TIAM1: variants seen among roughly 807,000 people sequenced by gnomAD.
TIAM1 encodes TIAM Rac1 associated GEF 1.
In TIAM1, 65 loss-of-function variants were observed where a neutral mutation model predicts 163.5. The observed-to-expected ratio is 0.40, with a 90% CI of 0.33 to 0.49. The LOEUF (loss-of-function observed/expected upper bound fraction) is 0.49. TIAM1 is among the 20% of genes least tolerant of loss of function. The probability of loss-of-function intolerance (pLI) is 0.77; values close to 1 mark genes in which losing one functional copy is unlikely to be tolerated. For missense variants in TIAM1, 1,789 were observed against 2,044.7 expected (o/e 0.87, Z 2.41); for synonymous variants, 833 against 810.1 (o/e 1.03, Z -0.48).
At chr21:31,338,840 G>A (rs1022562880) in intron 2 of TIAM1, among the ~76,000 whole-genome samples, 6 of 152,108 alleles carry the variant, frequency 3.9e-5, no homozygotes, top group East Asian at 1.9e-4. Flanking sequence ...TTACCCTGTC[G>A]CATTGAAAGT....
intron 2 of TIAM1, among the ~76,000 whole-genome samples, chr21:31,462,708 C>T (rs1386233808): frequency 2.0e-5 from 3 of 151,490 alleles, no homozygotes; most frequent in Admixed American, 1.3e-4. Flanking sequence ...GTGACCTCTC[C>T]GAACTGCCTA....
chr21:31,210,536 A>AAGAAAGAAAGAG (rs2086672596), intron 10 of TIAM1, among the ~76,000 whole-genome samples: 1 of 58,586 alleles, frequency 1.7e-5, no homozygotes, highest in South Asian at 4.6e-4. Flanking sequence ...AAGGAAGGAA[A>AAGAAAGAAAGAG]AGAAAGAAAG....
At chr21:31,506,261 T>TACACACACACAC (rs112908703) in intron 1 of TIAM1, among the ~76,000 whole-genome samples, 2,724 of 148,570 alleles carry the variant, frequency 0.018, 65 homozygotes, top group East Asian at 0.063. Flanking sequence ...CTCACACACG[T>TACACACACACAC]ACACACACAC....
rs1291955712 is a variant in TIAM1, at chr21:31,182,593, G to T, written c.2715C>A (p.Ala905=). The change falls in exon 15 of 28, where the codon GCC becomes GCA. Residue 905 remains alanine, a synonymous_variant. Transcript: ENST00000541036. ...ILEINNRAAD[A]LNSSMLKDFL... is the part of the protein sequence containing the mutation. ...AATCTTTGAGCATAGAAGAGTTCAG[G>T]GCGTCAGCAGCACGATTATTGATCT... The T allele has an allele frequency of 6.2e-7, 1 of 1,613,756 alleles. No homozygotes were observed.
At chr21:31,430,221 AAAAAATATAT>A (rs1223351286) in intron 2 of TIAM1, among the ~76,000 whole-genome samples, 15 of 104,812 alleles carry the variant, frequency 1.4e-4, no homozygotes, top group African/African-American at 6.1e-4. Context: ...AAAAAAAAAA[AAAAAATATAT>A]ATATATATAT....
intron 1 of TIAM1, among the ~76,000 whole-genome samples, chr21:31,477,425 T>C (rs1348107490): frequency 6.6e-6 from 1 of 151,896 alleles, no homozygotes; most frequent in Non-Finnish European, 1.5e-5. Context: ...TATCCACGCA[T>C]TCCCCACCTT....
chr21:31,443,864 A>G (rs1195113626), intron 2 of TIAM1, among the ~76,000 whole-genome samples: 2 of 152,220 alleles, frequency 1.3e-5, no homozygotes, highest in Admixed American at 1.3e-4. Flanking sequence ...CTGGAATTTG[A>G]AATTCATTGT....
rs1269759109 is a variant in TIAM1 at position 31,152,717 on chromosome 21, T to C, written c.3285A>G (p.Gln1095=). 5 of 1,614,066 alleles carry C rather than the reference T, an allele frequency of 3.1e-6. No individual in the cohort carries two copies. Among genetic ancestry groups the C allele is most frequent in the Non-Finnish European group, 4.2e-6 (5 of 1,180,028 alleles). ...CTTCTAGAGTTTTAAGGAATTCTACTTGAAACTCTACCATTTCCGTTAAAT... is the reference window on the plus strand; with the variant it reads ...CTTCTAGAGTTTTAAGGAATTCTACCTGAAACTCTACCATTTCCGTTAAAT... ...FGNLTEMVEF[Q]VEFLKTLEDG... Residue 1095 remains glutamine, a synonymous_variant, in exon 19 of 28, where the codon CAA becomes CAG. Coordinates refer to ENST00000541036, the MANE Select transcript of TIAM1 (RefSeq NM_001353694.2).
intron 3 of TIAM1, among the ~76,000 whole-genome samples, chr21:31,269,340 GA>G (rs1201765014): frequency 6.6e-6 from 1 of 152,210 alleles, no homozygotes; most frequent in Non-Finnish European, 1.5e-5. Context: ...TTCAGAACTA[GA>G]ATGTAGAGAG....
At chr21:31,507,038 A>C (rs1284292425) in intron 1 of TIAM1, among the ~76,000 whole-genome samples, 1 of 152,154 alleles carries the variant, frequency 6.6e-6, no homozygotes, top group Non-Finnish European at 1.5e-5. Context: ...GCTATTGTGA[A>C]TAATGCTGTT....
rs1193864269 is a variant in TIAM1 at position 31,132,406 on chromosome 21, A to G, written c.3884-1458T>C. 2.0e-5 allele frequency among the ~76,000 whole-genome samples: 3 copies of G among 152,024 alleles called. 1 individual carries two copies. Among genetic ancestry groups the G allele is most frequent in the South Asian group, 4.2e-4 (2 of 4,810 alleles). On this transcript the variant is annotated intron_variant, in intron 23 of 27. Coordinates refer to ENST00000541036, the MANE Select transcript of TIAM1 (RefSeq NM_001353694.2). ...AGCACAGACTGGCAGGTTCCCCACA[A>G]AGGTTCACACTGACCCGAGGAGGCC...
chr21:31,132,624 G>T (rs192342012), intron 23 of TIAM1, among the ~76,000 whole-genome samples: 20 of 152,198 alleles, frequency 1.3e-4, no homozygotes, highest in African/African-American at 4.8e-4. Flanking sequence ...TGATTCCCTC[G>T]ATTTCCCTCA....
chr21:31,304,214 G>T (rs117801641), intron 2 of TIAM1, among the ~76,000 whole-genome samples: 1 of 152,056 alleles, frequency 6.6e-6, no homozygotes, highest in Non-Finnish European at 1.5e-5. Context: ...CCAGGCCAAC[G>T]TAAAGGTTTC....
At chr21:31,262,448 T>C (rs1456026263) in intron 4 of TIAM1, among the ~76,000 whole-genome samples, 1 of 152,214 alleles carries the variant, frequency 6.6e-6, no homozygotes, top group Non-Finnish European at 1.5e-5. Context: ...AGAAATAAAT[T>C]CTGCTTCAAA....
At chr21:31,456,557 A>G (rs2045110400) in intron 2 of TIAM1, among the ~76,000 whole-genome samples, 1 of 152,242 alleles carries the variant, frequency 6.6e-6, no homozygotes, top group Non-Finnish European at 1.5e-5. Flanking sequence ...TTTCATTATT[A>G]TTTTAGGCTG....
In TIAM1 at chr21:31,119,583, A is replaced by G. The variant is rs1338594489; in HGVS notation, c.*785T>C. The G allele has an allele frequency of 6.6e-6, 1 of 152,654 alleles. No homozygotes were observed. Among genetic ancestry groups the G allele is most frequent in the Admixed American group, 6.5e-5 (1 of 15,282 alleles). The allele number at this position is 152,654 out of a possible 1,614,324, so 9.5% of individuals were successfully genotyped here. A position where few individuals can be genotyped will look rare whatever the true frequency, so the allele number is the denominator to read the frequency against. ...CCTCACTCTCTCTGTAAAAGGTTAT[A>G]TCCTCATTTTTTAGGCTCAGGGATA... On this transcript the variant is annotated 3_prime_UTR_variant, in exon 28 of 28. Transcript: ENST00000541036.
At chr21:31,517,773 T>C (rs1199778609) in intron 1 of TIAM1, among the ~76,000 whole-genome samples, 1 of 152,216 alleles carries the variant, frequency 6.6e-6, no homozygotes. Context: ...ATGTCCTTCT[T>C]GTACCAGGAG....
intron 1 of TIAM1, among the ~76,000 whole-genome samples, chr21:31,520,610 G>T (rs529939005): frequency 2.0e-5 from 3 of 152,156 alleles, no homozygotes; most frequent in Non-Finnish European, 4.4e-5. Context: ...GATTCCTGTG[G>T]CAATGACCTT....
chr21:31,269,129 G>A (rs2072931671), intron 3 of TIAM1, among the ~76,000 whole-genome samples: 3 of 152,230 alleles, frequency 2.0e-5, no homozygotes, highest in Admixed American at 6.5e-5. Flanking sequence ...TTCAACAACA[G>A]CTTTCTGGTA....
Sources: gnomAD v4.1 joint callset for allele counts (sites outside exome capture counted in the v4.1 genomes callset) on GRCh38, gnomAD v4.1.1 for gene constraint, MANE v1.5 for transcripts, NCBI Gene and HGNC (gene_info 2026-07-23, HGNC 2026-07-21) for gene names.